Variants in DIPK1A observed in about 807,000 individuals in gnomAD.
DIPK1A encodes divergent protein kinase domain 1A, also known as family with sequence similarity 69 member A.
In DIPK1A, 27 loss-of-function variants were observed where a neutral mutation model predicts 40.8. The observed-to-expected ratio is 0.66, with a 90% CI of 0.49 to 0.91. The LOEUF (loss-of-function observed/expected upper bound fraction) is 0.91. DIPK1A is among the 40% of genes least tolerant of loss of function. The probability of loss-of-function intolerance (pLI) is 0.00; values close to 1 mark genes in which losing one functional copy is unlikely to be tolerated. For synonymous variants in DIPK1A, 166 were observed against 171.3 expected (o/e 0.97, Z 0.24); for missense variants, 412 against 505.7 (o/e 0.81, Z 1.78).
intron 1 of DIPK1A, among the ~76,000 whole-genome samples, chr1:92,959,902 A>ATTTTTTTTTTTTTTTT (rs1557502636): frequency 0.034 from 1,451 of 42,986 alleles, 143 homozygotes; most frequent in Non-Finnish European, 0.041. Context: ...CACCCAACCA[A>ATTTTTTTTTTTTTTTT]CTTTTTTTTT....
At position 92,916,134 on chromosome 1, in the gene DIPK1A, C is replaced by T. The variant is rs867248481; in HGVS notation, c.55-39704G>A. Among the ~76,000 whole-genome samples the T allele has an allele frequency of 6.9e-4, 105 of 151,966 alleles. 1 individual carries two copies. The highest frequency in any genetic ancestry group is 2.3e-3 in the African/African-American group (95 of 41,434). Reference sequence around the variant, plus strand: ...GGGAGGGAGCAATGGGGTATGATTGCTAATGGGTATTTTAATAATAATGTT... The same window carrying T: ...GGGAGGGAGCAATGGGGTATGATTGTTAATGGGTATTTTAATAATAATGTT... On this transcript the variant is annotated intron_variant, in intron 1 of 4. Transcript: ENST00000370310.
intron 1 of DIPK1A, among the ~76,000 whole-genome samples, chr1:92,906,871 T>C (rs948050872): frequency 2.6e-5 from 4 of 152,182 alleles, no homozygotes; most frequent in African/African-American, 7.2e-5. Context: ...TCTTTAAAGA[T>C]TGTACCTCTG....
chr1:92,833,818 G>T, intron 4 of DIPK1A: 1 of 637,520 alleles, frequency 1.6e-6, no homozygotes, highest in Non-Finnish European at 2.8e-6. Flanking sequence ...TGGAACCTGG[G>T]AACTTGGTAC....
intron 2 of DIPK1A, among the ~76,000 whole-genome samples, chr1:92,871,262 T>A (rs1353096029): frequency 6.6e-6 from 1 of 151,974 alleles, no homozygotes; most frequent in African/African-American, 2.4e-5. Flanking sequence ...TCCTCCCGGG[T>A]TCAAGCAATT....
chr1:92,913,715 T>C (rs1432601740), intron 1 of DIPK1A, among the ~76,000 whole-genome samples: 1 of 152,258 alleles, frequency 6.6e-6, no homozygotes, highest in East Asian at 1.9e-4. Flanking sequence ...AGCCAACTTC[T>C]CTGCCGCATA....
At chr1:92,863,737 G>C (rs897151597) in intron 2 of DIPK1A, among the ~76,000 whole-genome samples, 2 of 151,932 alleles carry the variant, frequency 1.3e-5, no homozygotes, top group African/African-American at 4.8e-5. Flanking sequence ...TTTCTTAAAA[G>C]GAAAAAAGCT....
intron 2 of DIPK1A, among the ~76,000 whole-genome samples, chr1:92,871,454 T>G (rs1647856069): frequency 6.6e-6 from 1 of 152,142 alleles, no homozygotes; most frequent in Non-Finnish European, 1.5e-5. Context: ...TGTGAGACAC[T>G]GCACCCGGCC....
chr1:92,866,330 G>C (rs1452909806), intron 2 of DIPK1A, among the ~76,000 whole-genome samples: 2 of 152,166 alleles, frequency 1.3e-5, no homozygotes, highest in African/African-American at 4.8e-5. Flanking sequence ...TCAAACTCCT[G>C]ACCTCAGGTG....
intron 1 of DIPK1A, among the ~76,000 whole-genome samples, chr1:92,879,013 T>C (rs1032954121): frequency 1.3e-5 from 2 of 151,024 alleles, no homozygotes; most frequent in East Asian, 2.0e-4. Flanking sequence ...TCTCAAAAAA[T>C]AAAAATAAAA....
intron 2 of DIPK1A, among the ~76,000 whole-genome samples, chr1:92,860,587 C>T (rs546375356): frequency 5.5e-5 from 8 of 146,336 alleles, no homozygotes; most frequent in African/African-American, 1.8e-4. Flanking sequence ...GTCAGGAGTT[C>T]GAGACCAGCC....
At chr1:92,849,342 T>TTTTTTTG (rs1557451506) in intron 3 of DIPK1A, among the ~76,000 whole-genome samples, 2 of 151,692 alleles carry the variant, frequency 1.3e-5, no homozygotes, top group Non-Finnish European at 2.9e-5. Flanking sequence ...TGTCTGGTTT[T>TTTTTTTG]TTTTTGTTTT....
chr1:92,948,760 T>C (rs1482339463), intron 1 of DIPK1A, among the ~76,000 whole-genome samples: 1 of 146,116 alleles, frequency 6.8e-6, no homozygotes, highest in East Asian at 2.0e-4. Context: ...TATATATGTA[T>C]ATATATGTGT....
chr1:92,906,396 CTT>C (rs1226252966), intron 1 of DIPK1A, among the ~76,000 whole-genome samples: 2 of 152,098 alleles, frequency 1.3e-5, no homozygotes, highest in Non-Finnish European at 2.9e-5. Context: ...GTTGGAATAA[CTT>C]TATAAATGAG....
chr1:92,916,028 G>GT (rs1650040289), intron 1 of DIPK1A, among the ~76,000 whole-genome samples: 1 of 152,146 alleles, frequency 6.6e-6, no homozygotes. Context: ...GCCACATACT[G>GT]TATGATTCCA....
chr1:92,837,290 C>G (rs1346275836), downstream of DIPK1A: 1 of 780,584 alleles, frequency 1.3e-6, no homozygotes, highest in African/African-American at 1.7e-5. Context: ...AGATGAGCTG[C>G]TGAATGATGA....
Position 92,843,557 on chromosome 1 carries a change from T to C in DIPK1A, c.1113A>G (p.Lys371=). ...TTGGAGCACCACGCAGTAGGTAGTCTTTGAGTAACTGACAAGCTTTTGCCA... is the reference window on the plus strand; with the variant it reads ...TTGGAGCACCACGCAGTAGGTAGTCCTTGAGTAACTGACAAGCTTTTGCCA... The part of the protein sequence containing the change: ...PNLAKACQLL[K]DYLLRGAPSE... Residue 371 remains lysine, a synonymous_variant, in exon 5 of 5, where the codon AAA becomes AAG. Transcript: ENST00000370310. The C allele has an allele frequency of 6.4e-7, 1 of 1,552,130 alleles. No homozygotes were observed. Among genetic ancestry groups the C allele is most frequent in the African/African-American group, 1.4e-5 (1 of 73,182 alleles).
At chr1:92,947,149 A>G (rs1651406829) in intron 1 of DIPK1A, among the ~76,000 whole-genome samples, 1 of 152,186 alleles carries the variant, frequency 6.6e-6, no homozygotes, top group African/African-American at 2.4e-5. Context: ...CAAAAATAAA[A>G]GTTTTAAGTA....
At chr1:92,847,896 T>C (rs1033381825) in intron 3 of DIPK1A, among the ~76,000 whole-genome samples, 2 of 152,178 alleles carry the variant, frequency 1.3e-5, no homozygotes, top group African/African-American at 4.8e-5. Context: ...CCACTAAACC[T>C]GGCTAATTAA....
intron 1 of DIPK1A, among the ~76,000 whole-genome samples, chr1:92,945,041 G>C (rs1651307888): frequency 6.6e-6 from 1 of 152,152 alleles, no homozygotes; most frequent in African/African-American, 2.4e-5. Flanking sequence ...TTAGGGTCCT[G>C]AGAACAGTGA....
Sources: gnomAD v4.1 joint callset for allele counts (sites outside exome capture counted in the v4.1 genomes callset) on GRCh38, gnomAD v4.1.1 for gene constraint, MANE v1.5 for transcripts, NCBI Gene and HGNC (gene_info 2026-07-23, HGNC 2026-07-21) for gene names.